The following GPC5 variants were observed in gnomAD, a reference collection of about 807,000 sequenced individuals.
GPC5 encodes the protein glypican-5.
Under a neutral mutation model 53.9 loss-of-function variants are expected in GPC5, and 47 were observed. That is an observed-to-expected ratio of 0.87 (90% confidence interval 0.69 to 1.11). The LOEUF (loss-of-function observed/expected upper bound fraction) is 1.11, where lower values mean the gene tolerates loss of function less well. GPC5 is among the 50% of genes most tolerant of loss of function. The pLI is 0.00. For synonymous variants in GPC5, 286 were observed against 263.3 expected, an observed-to-expected ratio of 1.09 and a Z score of -0.84; for missense variants, 748 against 713.1, an observed-to-expected ratio of 1.05 and a Z score of -0.56.
chr13:92,473,092 T>C (rs1878973187), intron 7 of GPC5, among the ~76,000 whole-genome samples: 1 of 152,110 alleles, frequency 6.6e-6, no homozygotes, highest in African/African-American at 2.4e-5. Flanking sequence ...TAGAGCAGCA[T>C]TTCACAACTA....
intron 7 of GPC5, among the ~76,000 whole-genome samples, chr13:92,718,399 C>A (rs1361996028): frequency 6.6e-6 from 1 of 152,062 alleles, no homozygotes; most frequent in African/African-American, 2.4e-5. Context: ...TCATTTGAAA[C>A]ATTATGGATG....
At chr13:91,436,707 T>A (rs543639045) in intron 1 of GPC5, among the ~76,000 whole-genome samples, 1 of 152,224 alleles carries the variant, frequency 6.6e-6, no homozygotes, top group Non-Finnish European at 1.5e-5. Context: ...TTAGGTCTGC[T>A]TGGTGCAGAG....
At chr13:91,574,540 T>C (rs2032062214) in intron 2 of GPC5, among the ~76,000 whole-genome samples, 1 of 151,838 alleles carries the variant, frequency 6.6e-6, no homozygotes, top group Non-Finnish European at 1.5e-5. Context: ...TAGGAAAAAA[T>C]ATGAATTAAT....
chr13:92,813,060 G>A (rs539954794), intron 7 of GPC5, among the ~76,000 whole-genome samples: 43 of 151,658 alleles, frequency 2.8e-4, no homozygotes, highest in Admixed American at 9.2e-4. Flanking sequence ...TTTAAATACC[G>A]GCCTTTCGAA....
intron 7 of GPC5, among the ~76,000 whole-genome samples, chr13:92,526,969 G>A (rs1881306185): frequency 6.6e-6 from 1 of 151,204 alleles, no homozygotes; most frequent in South Asian, 2.1e-4. Context: ...ATCAAGAGAT[G>A]TGTTCACTCA....
rs970733427 is a variant in GPC5 at position 92,602,318 on chromosome 13, C to T, written c.1562-263964C>T. On this transcript the variant is annotated intron_variant, in intron 7 of 7. Coordinates refer to ENST00000377067, the MANE Select transcript of GPC5 (RefSeq NM_004466.6). Reference sequence around the variant, plus strand: ...CTGTAAAGAATAATTCCTGGTCCCTCTGTGGCATTTAAAAGTATAATTCAT... The same window carrying T: ...CTGTAAAGAATAATTCCTGGTCCCTTTGTGGCATTTAAAAGTATAATTCAT... Among the ~76,000 whole-genome samples the T allele has an allele frequency of 2.0e-5, 3 of 147,158 alleles. No individual in the cohort carries two copies. In the East Asian group the frequency reaches 6.0e-4, roughly 29 times the overall value.
chr13:91,572,550 A>G (rs897776580), intron 2 of GPC5, among the ~76,000 whole-genome samples: 6 of 151,984 alleles, frequency 3.9e-5, no homozygotes, highest in Non-Finnish European at 7.4e-5. Context: ...AGAGTGAGCA[A>G]GAGAGGGGAG....
intron 6 of GPC5, among the ~76,000 whole-genome samples, chr13:91,950,146 G>C (rs1415822641): frequency 6.6e-6 from 1 of 152,018 alleles, no homozygotes; most frequent in East Asian, 1.9e-4. Flanking sequence ...AGGGTCAGCA[G>C]ATTCTGTAAA....
chr13:92,702,847 A>G (rs1887798010), intron 7 of GPC5, among the ~76,000 whole-genome samples: 1 of 151,662 alleles, frequency 6.6e-6, no homozygotes, highest in Admixed American at 6.6e-5. Flanking sequence ...TCCTCCCTCC[A>G]TGACTTCCCC....
At chr13:92,531,856 G>T (rs552359095) in intron 7 of GPC5, among the ~76,000 whole-genome samples, 2 of 152,304 alleles carry the variant, frequency 1.3e-5, no homozygotes, top group East Asian at 3.9e-4. Flanking sequence ...AAGGGTAGGA[G>T]TAATATGGTT....
chr13:92,760,143 T>A (rs574065085), intron 7 of GPC5, among the ~76,000 whole-genome samples: 1 of 152,212 alleles, frequency 6.6e-6, no homozygotes, highest in South Asian at 2.1e-4. Flanking sequence ...CTATAGTTTA[T>A]TTTCTTATGG....
At chr13:92,751,153 A>G (rs2139324990) in intron 7 of GPC5, among the ~76,000 whole-genome samples, 1 of 152,100 alleles carries the variant, frequency 6.6e-6, no homozygotes, top group South Asian at 2.1e-4. Context: ...TAAGATGTAG[A>G]CATTTTCTAC....
chr13:91,498,429 A>G (rs1363885467), intron 2 of GPC5, among the ~76,000 whole-genome samples: 2 of 152,054 alleles, frequency 1.3e-5, no homozygotes, highest in Non-Finnish European at 2.9e-5. Flanking sequence ...CTGGTTGAGC[A>G]GGGATTTGAG....
chr13:91,779,123 A>G (rs1418674120), intron 5 of GPC5, among the ~76,000 whole-genome samples: 1 of 151,846 alleles, frequency 6.6e-6, no homozygotes, highest in African/African-American at 2.4e-5. Context: ...ATTACTGTAC[A>G]CTACTGTAGA....
rs561821441 is a variant in GPC5, at chr13:91,684,589, C to G, written c.326-8598C>G. On this transcript the variant is annotated intron_variant, in intron 2 of 7. Transcript: ENST00000377067. ...ATATGGACAATCTGATCACTTATTG[C>G]AGCATACACCTCCACCAATACCACA... is the stretch of plus-strand genomic sequence containing the variant. Among the ~76,000 whole-genome samples the G allele has an allele frequency of 5.3e-5, 8 of 152,246 alleles. No individual in the cohort carries two copies. In the South Asian group the frequency reaches 1.7e-3, roughly 32 times the overall value.
chr13:91,589,344 T>C (rs545302535), intron 2 of GPC5, among the ~76,000 whole-genome samples: 1 of 151,890 alleles, frequency 6.6e-6, no homozygotes, highest in East Asian at 1.9e-4. Flanking sequence ...TTTCTGACTT[T>C]CTCTCTCTCT....
At chr13:91,537,605 C>A (rs1186911845) in intron 2 of GPC5, among the ~76,000 whole-genome samples, 1 of 152,162 alleles carries the variant, frequency 6.6e-6, no homozygotes, top group African/African-American at 2.4e-5. Flanking sequence ...AACATGAATT[C>A]CTACTATGTT....
chr13:91,961,685 T>A (rs1434236800), intron 6 of GPC5, among the ~76,000 whole-genome samples: 2 of 152,122 alleles, frequency 1.3e-5, no homozygotes, highest in Non-Finnish European at 2.9e-5. Flanking sequence ...TCATAAATTA[T>A]GTTCATGCAT....
chr13:92,015,042 A>G (rs1264796894), intron 6 of GPC5, among the ~76,000 whole-genome samples: 1 of 152,148 alleles, frequency 6.6e-6, no homozygotes, highest in African/African-American at 2.4e-5. Context: ...CCTGAGATGC[A>G]TCTAGTAAGT....
Sources: allele counts gnomAD v4.1 joint callset (sites outside exome capture counted in the v4.1 genomes callset), GRCh38; gene constraint gnomAD v4.1.1; transcripts MANE v1.5; gene names NCBI Gene and HGNC (gene_info 2026-07-23, HGNC 2026-07-21).